POLR3B: variants seen among roughly 807,000 people sequenced by gnomAD.
POLR3B encodes the protein DNA-directed RNA polymerase III subunit RPC2.
Under a neutral mutation model 147.4 loss-of-function variants are expected in POLR3B, and 96 were observed. The ratio of observed to expected loss-of-function variants is 0.65; its 90% confidence interval spans 0.55 to 0.77. The LOEUF is 0.77. POLR3B is among the 30% of genes least tolerant of loss of function. POLR3B has a pLI of 0.00. For missense variants in POLR3B, 1,036 were observed against 1,413.5 expected (o/e 0.73, Z 4.28); for synonymous variants, 461 against 485.9 (o/e 0.95, Z 0.67).
intron 9 of POLR3B, among the ~76,000 whole-genome samples, chr12:106,385,330 A>G (rs774313533): frequency 3.3e-5 from 5 of 152,232 alleles, no homozygotes; most frequent in Admixed American, 6.5e-5. Context: ...ATATAGGTAT[A>G]AAATGAATCT....
intron 23 of POLR3B, among the ~76,000 whole-genome samples, chr12:106,468,416 G>T (rs1440604407): frequency 6.6e-6 from 1 of 151,932 alleles, no homozygotes; most frequent in Non-Finnish European, 1.5e-5. Flanking sequence ...TGGATTTATT[G>T]ATTTTTTTGA....
At position 106,463,628 on chromosome 12, in the gene POLR3B, G is replaced by A; in HGVS notation, c.2713+8G>A. 6.2e-7 allele frequency: 1 copy of A among 1,608,684 alleles called. No homozygotes were observed. Among genetic ancestry groups the A allele is most frequent in the Non-Finnish European group, 8.5e-7 (1 of 1,175,270 alleles). On this transcript the variant is annotated splice_region_variant and intron_variant, in intron 23 of 27. Coordinates refer to ENST00000228347, the MANE Select transcript of POLR3B (RefSeq NM_018082.6). ...GTCGTCATGGGCAAAAAGGTAAACT[G>A]TATCATTTCTCAACTTGATTATAAA...
chr12:106,507,947 G>A (rs1197371519), intron 27 of POLR3B: 1 of 358,550 alleles, frequency 2.8e-6, no homozygotes, highest in Non-Finnish European at 5.5e-6. Context: ...TAACATTTTG[G>A]TGACTCTTTC....
chr12:106,357,894 G>C lies in POLR3B; in HGVS notation c.15G>C (p.Ala5=). 1.2e-6 allele frequency: 2 copies of C among 1,613,650 alleles called. No homozygotes were observed. The highest frequency in any genetic ancestry group is 1.7e-6 in the Non-Finnish European group (2 of 1,179,972). MDVL[A]EEFGNLTPEQ... ...TCGTGAGCAGCATGGACGTGCTAGC[G>C]GAGGAGTTTGGGAACCTGACTCCGG... is the stretch of plus-strand genomic sequence containing the variant. Residue 5 remains alanine, a synonymous_variant, in exon 1 of 28, where the codon GCG becomes GCC. Coordinates refer to ENST00000228347, the MANE Select transcript of POLR3B (RefSeq NM_018082.6).
Position 106,437,543 on chromosome 12 carries a change from A to G in POLR3B, c.1857-138A>G, listed in dbSNP as rs968144996. ...GTGTGAGCTAAGAATAACATGTTTC[A>G]GGTATCCCAATGTAATGATATTCTC... On this transcript the variant is annotated intron_variant, in intron 17 of 27. Transcript: ENST00000228347. 3 of 672,354 alleles carry G rather than the reference A, an allele frequency of 4.5e-6. No individual in the cohort carries two copies. In the African/African-American group the frequency reaches 5.4e-5, roughly 12 times the overall value. The allele number at this position is 672,354 out of a possible 1,614,324, so 41.6% of individuals were successfully genotyped here.
chr12:106,472,829 C>CT (rs1404400297), intron 23 of POLR3B, among the ~76,000 whole-genome samples: 1 of 97,084 alleles, frequency 1.0e-5, no homozygotes, highest in Non-Finnish European at 2.0e-5. Flanking sequence ...TTCACTCTGA[C>CT]GGTAGTTTCT....
At chr12:106,389,732 G>A (rs1330975999) in intron 9 of POLR3B, among the ~76,000 whole-genome samples, 1 of 152,082 alleles carries the variant, frequency 6.6e-6, no homozygotes, top group Non-Finnish European at 1.5e-5. Flanking sequence ...TACTCAGAAG[G>A]TTTCAGATTC....
chr12:106,468,611 T>A (rs1401667915), intron 23 of POLR3B, among the ~76,000 whole-genome samples: 1 of 152,248 alleles, frequency 6.6e-6, no homozygotes, highest in Admixed American at 6.5e-5. Flanking sequence ...CACACTGCTT[T>A]AAATGTGTCC....
Position 106,448,741 on chromosome 12 carries a change from AT to A in POLR3B, c.2083+4160del, listed in dbSNP as rs534953905. ...AGGTGTGAGCCACTGCACCCAGCCC[AT>A]TTTTTTTTAATTACAATAATAATCC... is the stretch of plus-strand genomic sequence containing the variant. On this transcript the variant is annotated intron_variant, in intron 19 of 27. Coordinates refer to ENST00000228347, the MANE Select transcript of POLR3B (RefSeq NM_018082.6). Among the ~76,000 whole-genome samples the A allele has an allele frequency of 1.0e-4, 15 of 150,296 alleles. No homozygotes were observed. The South Asian group carries it at 3.0e-3, about 30-fold the overall frequency.
chr12:106,377,820 C>A (rs1414493949), intron 7 of POLR3B, among the ~76,000 whole-genome samples: 1 of 152,108 alleles, frequency 6.6e-6, no homozygotes, highest in African/African-American at 2.4e-5. Flanking sequence ...ATCAGATGGG[C>A]GCAATGGCTC....
At chr12:106,447,110 G>C (rs1190687194) in intron 19 of POLR3B, among the ~76,000 whole-genome samples, 1 of 152,116 alleles carries the variant, frequency 6.6e-6, no homozygotes, top group Non-Finnish European at 1.5e-5. Flanking sequence ...GCTTCTATGT[G>C]GATTTTCTAA....
intron 23 of POLR3B, among the ~76,000 whole-genome samples, chr12:106,467,336 C>T (rs748697312): frequency 2.0e-5 from 3 of 152,148 alleles, no homozygotes; most frequent in Non-Finnish European, 4.4e-5. Context: ...TGCTTATCAG[C>T]TTAAGGAGAT....
At chr12:106,428,935 C>T (rs1365747673) in intron 13 of POLR3B, among the ~76,000 whole-genome samples, 1 of 152,182 alleles carries the variant, frequency 6.6e-6, no homozygotes, top group Non-Finnish European at 1.5e-5. Context: ...AACAGATCAT[C>T]TAATCTTTTC....
intron 23 of POLR3B, among the ~76,000 whole-genome samples, chr12:106,487,076 CCCTAAGGGGGACTGCATCAGG>C (rs1430401161): frequency 1.2e-4 from 18 of 152,182 alleles, no homozygotes; most frequent in Non-Finnish European, 1.9e-4. Flanking sequence ...TTAGTGTGGG[CCCTAAGGGGGACTGCATCAGG>C]CCTAAAGGAG....
intron 23 of POLR3B, among the ~76,000 whole-genome samples, chr12:106,484,512 C>G (rs1181963867): frequency 2.0e-5 from 3 of 151,980 alleles, no homozygotes; most frequent in African/African-American, 7.3e-5. Context: ...ACCCCAACTA[C>G]TTAGTAGGCT....
intron 12 of POLR3B, among the ~76,000 whole-genome samples, chr12:106,420,281 A>C (rs2037357648): frequency 6.6e-6 from 1 of 152,126 alleles, no homozygotes; most frequent in Admixed American, 6.6e-5. Flanking sequence ...AGATTTGGGC[A>C]AAGTTTATAT....
chr12:106,408,626 C>T (rs535115080), intron 11 of POLR3B, among the ~76,000 whole-genome samples: 8 of 152,278 alleles, frequency 5.3e-5, no homozygotes, highest in South Asian at 4.1e-4. Flanking sequence ...AAAAGATCTC[C>T]GGAGTTCTGA....
Sources: gnomAD v4.1 joint callset for allele counts (sites outside exome capture counted in the v4.1 genomes callset) on GRCh38, gnomAD v4.1.1 for gene constraint, MANE v1.5 for transcripts, NCBI Gene and HGNC (gene_info 2026-07-23, HGNC 2026-07-21) for gene names.